Variants in ZNF33B observed in about 807,000 individuals in gnomAD.
ZNF33B encodes zinc finger protein 33B.
Under a neutral mutation model 45.8 loss-of-function variants are expected in ZNF33B, and 29 were observed. That is an observed-to-expected ratio of 0.63 (90% CI 0.47 to 0.86). The LOEUF (loss-of-function observed/expected upper bound fraction) is 0.86, where lower values mean the gene tolerates loss of function less well. Among genes scored for constraint, ZNF33B ranks in the 40% least tolerant of loss-of-function variants. ZNF33B has a pLI of 0.00. For missense variants in ZNF33B, 831 were observed against 909.9 expected (o/e 0.91, Z 1.12); for synonymous variants, 305 against 307.8 (o/e 0.99, Z 0.10).
Position 42,638,564 on chromosome 10 carries a change from C to CA in ZNF33B, c.-136dup, listed in dbSNP as rs1397683867. 3 of 475,178 alleles carry CA rather than the reference C, an allele frequency of 6.3e-6. No homozygotes were observed. Among genetic ancestry groups the CA allele is most frequent in the Non-Finnish European group, 4.2e-6 (1 of 237,860 alleles). 29.4% of individuals were successfully genotyped at this position (475,178 alleles called of 1,614,324 possible). On this transcript the variant is annotated 5_prime_UTR_variant, in exon 1 of 5. Transcript: ENST00000359467. ...CCTCCCACGCAAAACGTGAGACAAA[C>CA]AAAAGGAAAGGCGGAAACGCAGAAA...
At chr10:42,578,681 G>T (rs115903135) in intron 1 of ZNF33B, 3,413 of 152,508 alleles carry the variant, frequency 0.022, 107 homozygotes, top group South Asian at 0.07. Context: ...CAGGTCTGAG[G>T]CTGACCACTC....
intron 2 of ZNF33B, among the ~76,000 whole-genome samples, chr10:42,633,097 C>T (rs538935950): frequency 1.1e-4 from 17 of 152,252 alleles, no homozygotes; most frequent in Middle Eastern, 6.8e-3. Context: ...ATTGTCAGTA[C>T]ATTTATTATG....
intron 4 of ZNF33B, among the ~76,000 whole-genome samples, chr10:42,600,720 A>G (rs937193681): frequency 6.6e-6 from 1 of 152,176 alleles, no homozygotes; most frequent in African/African-American, 2.4e-5. Context: ...GTAACAGTAT[A>G]TATATGAATC....
At chr10:42,584,973 C>A (rs541714424), downstream of ZNF33B, among the ~76,000 whole-genome samples, 1 of 152,188 alleles carries the variant, frequency 6.6e-6, no homozygotes, top group Non-Finnish European at 1.5e-5. Flanking sequence ...ACTAGGGCTT[C>A]GGGTTTAGGA....
At chr10:42,608,119 A>G (rs1404279044) in intron 4 of ZNF33B, among the ~76,000 whole-genome samples, 1 of 152,200 alleles carries the variant, frequency 6.6e-6, no homozygotes, top group Non-Finnish European at 1.5e-5. Flanking sequence ...AATTTTATTA[A>G]TATAACAATA....
At chr10:42,583,717 G>A (rs1389257095) in intron 1 of ZNF33B, among the ~76,000 whole-genome samples, 3 of 152,116 alleles carry the variant, frequency 2.0e-5, no homozygotes, top group Non-Finnish European at 4.4e-5. Flanking sequence ...TCACGGGCCA[G>A]TGCAATACTT....
chr10:42,609,764 G>C (rs1838026419), intron 4 of ZNF33B, among the ~76,000 whole-genome samples: 1 of 152,118 alleles, frequency 6.6e-6, no homozygotes, highest in Admixed American at 6.5e-5. Context: ...TTTATCATTT[G>C]AAAATCAACT....
rs139533813 is a variant in ZNF33B at position 42,594,302 on chromosome 10, G to C, written c.648C>G (p.Asp216Glu). 10,335 of 1,613,806 alleles carry C rather than the reference G, an allele frequency of 6.4e-3. 57 individuals carry two copies. Among genetic ancestry groups the C allele is most frequent in the Non-Finnish European group, 7.1e-3 (8,342 of 1,179,896 alleles). ...TLQHEKIQTL[D>E]HNFEYSICQE... ...GACATATACTGTATTCAAAATTGTGGTCTAAAGTTTGAATCTTCTCATGCT... is the reference window on the plus strand; with the variant it reads ...GACATATACTGTATTCAAAATTGTGCTCTAAAGTTTGAATCTTCTCATGCT... The change falls in exon 5 of 5, where the codon GAC becomes GAG. Residue 216 changes from aspartate to glutamate, a missense_variant. Physicochemically the swap from Asp to Glu is conservative, Grantham distance 45. Transcript: ENST00000359467.
At chr10:42,580,426 T>A (rs1053526155) in intron 1 of ZNF33B, among the ~76,000 whole-genome samples, 5 of 151,968 alleles carry the variant, frequency 3.3e-5, no homozygotes, top group African/African-American at 1.2e-4. Context: ...TTAGTAGAGA[T>A]GGGGTTTTGC....
At chr10:42,625,481 CTT>C (rs201193506) in intron 4 of ZNF33B, among the ~76,000 whole-genome samples, 1 of 151,012 alleles carries the variant, frequency 6.6e-6, no homozygotes, top group African/African-American at 2.4e-5. Flanking sequence ...GTTTTCTTTT[CTT>C]TTTTTTTGTT....
intron 4 of ZNF33B, among the ~76,000 whole-genome samples, chr10:42,626,074 G>C (rs1268256107): frequency 1.3e-5 from 2 of 152,174 alleles, no homozygotes; most frequent in African/African-American, 2.4e-5. Flanking sequence ...CTTGTATAGA[G>C]ATTTTTTATC....
In ZNF33B at chr10:42,602,918, T is replaced by A. The variant is rs116638829; in HGVS notation, c.251-8219A>T. ...CCCTTTACAGATCTCCAGGCCTCTC[T>A]CTGTGTGCATCTATCTCCTGCAAGC... On this transcript the variant is annotated intron_variant, in intron 4 of 4. Coordinates refer to ENST00000359467, the MANE Select transcript of ZNF33B (RefSeq NM_006955.3). Among the ~76,000 whole-genome samples, 1,001 of 152,238 alleles carry A rather than the reference T, an allele frequency of 6.6e-3. 6 individuals are homozygous for A. Among genetic ancestry groups the A allele is most frequent in the Non-Finnish European group, 9.7e-3 (659 of 68,024 alleles).
At chr10:42,613,529 C>CA (rs1318498884) in intron 4 of ZNF33B, among the ~76,000 whole-genome samples, 3 of 149,280 alleles carry the variant, frequency 2.0e-5, no homozygotes, top group African/African-American at 7.4e-5. Flanking sequence ...ACCTGGGTGA[C>CA]AGAGCGAGAC....
intron 4 of ZNF33B, among the ~76,000 whole-genome samples, chr10:42,607,950 A>G (rs1415934357): frequency 1.3e-5 from 2 of 152,192 alleles, no homozygotes; most frequent in Non-Finnish European, 2.9e-5. Context: ...GTGAAAGTCC[A>G]AACATGTGCT....
In ZNF33B at chr10:42,631,981, T is replaced by G; in HGVS notation, c.198A>C (p.Gln66His). ...HKPEVIFRLE[Q>H]GEEPWRLEEE... ...CCTCCAGTCTCCATGGTTCTTCTCC[T>G]TGTTCCAGCCTGAAGATCACCTCTG... Residue 66 changes from glutamine (Q) to histidine (H), a missense_variant, in exon 4 of 5, where the codon CAA becomes CAC. Coordinates refer to ENST00000359467, the MANE Select transcript of ZNF33B (RefSeq NM_006955.3). 1 of 1,614,158 alleles carries G rather than the reference T, an allele frequency of 6.2e-7. No individual in the cohort carries two copies. Among genetic ancestry groups the G allele is most frequent in the Non-Finnish European group, 8.5e-7 (1 of 1,180,028 alleles).
chr10:42,632,169 A>T, intron 3 of ZNF33B, 126 bp downstream of exon 3: 1 of 1,493,834 alleles, frequency 6.7e-7, no homozygotes, highest in African/African-American at 1.4e-5. Flanking sequence ...CTGGTGCTCA[A>T]TCAACACTGA....
intron 4 of ZNF33B, among the ~76,000 whole-genome samples, chr10:42,600,860 A>C (rs1837590674): frequency 6.6e-6 from 1 of 152,178 alleles, no homozygotes; most frequent in Non-Finnish European, 1.5e-5. Context: ...TATCCTTTTT[A>C]GAGACTTACA....
intron 4 of ZNF33B, among the ~76,000 whole-genome samples, chr10:42,624,301 G>A (rs1243981023): frequency 1.3e-5 from 2 of 152,184 alleles, no homozygotes; most frequent in Admixed American, 6.5e-5. Flanking sequence ...TGAACATACA[G>A]TCTATAACAG....
intron 4 of ZNF33B, among the ~76,000 whole-genome samples, chr10:42,594,907 G>A (rs997823382): frequency 1.3e-5 from 2 of 152,118 alleles, no homozygotes; most frequent in African/African-American, 4.8e-5. Context: ...AAAGGCCTAG[G>A]CTAGTGGAAA....
Sources: gnomAD v4.1 joint callset for allele counts (sites outside exome capture counted in the v4.1 genomes callset) on GRCh38, gnomAD v4.1.1 for gene constraint, MANE v1.5 for transcripts, NCBI Gene and HGNC (gene_info 2026-07-23, HGNC 2026-07-21) for gene names.